RAB3GAP1: variants seen among roughly 807,000 people sequenced by gnomAD.
RAB3GAP1 encodes the protein RAB3 GTPase activating protein catalytic subunit 1.
RAB3GAP1 carries 86 observed loss-of-function variants against 130.7 expected under a neutral mutation model. The observed-to-expected ratio is 0.66, with a 90% confidence interval of 0.55 to 0.79. RAB3GAP1 has a LOEUF of 0.79. Among genes scored for constraint, RAB3GAP1 ranks in the 30% least tolerant of loss-of-function variants. RAB3GAP1 has a pLI of 0.00. For missense variants in RAB3GAP1, 1,029 were observed against 1,169.4 expected, an observed-to-expected ratio of 0.88 and a Z score of 1.75; for synonymous variants, 367 against 401.7, an observed-to-expected ratio of 0.91 and a Z score of 1.03.
intron 3 of RAB3GAP1, among the ~76,000 whole-genome samples, chr2:135,090,656 T>G (rs1276816965): frequency 4.6e-5 from 7 of 152,196 alleles, no homozygotes; most frequent in African/African-American, 1.7e-4. Flanking sequence ...GCAGACTGCT[T>G]CTTTATGAAG....
At position 135,133,841 on chromosome 2, in the gene RAB3GAP1, TTC is replaced by T. The variant is rs777684420; in HGVS notation, c.1327-18_1327-17del. The T allele has an allele frequency of 2.5e-6, 4 of 1,609,734 alleles. No homozygotes were observed. The South Asian group carries it at 4.4e-5, about 18-fold the overall frequency. ...TATTTTGGTAACAAGTTTGCTTTGT[TTC>T]TATTTTGTTAAATTTAGAATCTCTA... is the stretch of plus-strand genomic sequence containing the variant. On this transcript the variant is annotated intron_variant, in intron 14 of 23. Transcript: ENST00000264158.
chr2:135,127,467 C>G (rs992022010), intron 11 of RAB3GAP1, among the ~76,000 whole-genome samples: 1 of 151,874 alleles, frequency 6.6e-6, no homozygotes, highest in African/African-American at 2.4e-5. Context: ...CTTCAGCCTC[C>G]GGAGTAGCTG....
At chr2:135,057,926 T>C in intron 2 of RAB3GAP1, 85 bp from the exon 3 acceptor site, 1 of 1,021,214 alleles carries the variant, frequency 9.8e-7, no homozygotes, top group South Asian at 1.4e-5. Flanking sequence ...TGTTAAAATA[T>C]AAAAAATACC....
chr2:135,129,451 CAA>C (rs1192375753), intron 11 of RAB3GAP1, among the ~76,000 whole-genome samples: 2 of 87,674 alleles, frequency 2.3e-5, no homozygotes, highest in Non-Finnish European at 2.4e-5. Flanking sequence ...GACTCTGTCT[CAA>C]AAAAAAAAAA....
At chr2:135,058,528 A>G (rs1184056414) in intron 3 of RAB3GAP1, 2 of 153,604 alleles carry the variant, frequency 1.3e-5, no homozygotes, top group South Asian at 2.0e-4. Context: ...GTTAACAACT[A>G]TTTCACTCAG....
intron 19 of RAB3GAP1, among the ~76,000 whole-genome samples, chr2:135,158,525 T>A (rs143908526): frequency 1.3e-5 from 2 of 152,138 alleles, no homozygotes. Flanking sequence ...ATATTGATAA[T>A]TAATGGATAA....
chr2:135,144,330 G>T (rs1219597160), intron 17 of RAB3GAP1, among the ~76,000 whole-genome samples: 1 of 150,616 alleles, frequency 6.6e-6, no homozygotes, highest in Non-Finnish European at 1.5e-5. Context: ...AAGTCGGGTG[G>T]TTTCTCTCTA....
chr2:135,081,812 T>G (rs1465590334), intron 3 of RAB3GAP1, among the ~76,000 whole-genome samples: 10 of 151,984 alleles, frequency 6.6e-5, no homozygotes, highest in African/African-American at 1.7e-4. Context: ...AGATACAAAA[T>G]ATTGTGATTA....
At position 135,057,647 on chromosome 2, in the gene RAB3GAP1, A is replaced by T. The variant is rs772400733; in HGVS notation, c.75-364A>T. On this transcript the variant is annotated intron_variant, in intron 2 of 23. Transcript: ENST00000264158. ...AGGGCTGGAATTACAGGCATGAGCC[A>T]CTGCACCCAGCCCATAATTATCTTT... 2.0e-5 allele frequency among the ~76,000 whole-genome samples: 3 copies of T among 152,224 alleles called. No homozygotes were observed. The South Asian group carries it at 6.2e-4, about 31-fold the overall frequency.
In RAB3GAP1 at chr2:135,130,763, A is replaced by G. The variant is rs776849492; in HGVS notation, c.1236+42A>G. On this transcript the variant is annotated intron_variant, in intron 13 of 23. Coordinates refer to ENST00000264158, the MANE Select transcript of RAB3GAP1 (RefSeq NM_012233.3). ...TCTTTATAGGTCTATATGCAGAATC[A>G]TTTATTCATTATATAGCCAGTTCCT... The G allele has an allele frequency of 3.9e-6, 6 of 1,550,382 alleles. No individual in the cohort carries two copies. In the African/African-American group the frequency reaches 5.4e-5, roughly 14 times the overall value.
intron 14 of RAB3GAP1, 87 bp downstream of exon 14, chr2:135,133,071 T>C: frequency 1.2e-6 from 1 of 835,844 alleles, no homozygotes; most frequent in Non-Finnish European, 2.0e-6. Flanking sequence ...AATAGCTTAC[T>C]ATATTTTTAT....
intron 3 of RAB3GAP1, among the ~76,000 whole-genome samples, chr2:135,072,981 C>T (rs1219081005): frequency 6.6e-6 from 1 of 152,118 alleles, no homozygotes; most frequent in Non-Finnish European, 1.5e-5. Context: ...TTTTTAAGCC[C>T]AGGGGTAGGA....
chr2:135,071,728 T>G (rs1689477064), intron 3 of RAB3GAP1, among the ~76,000 whole-genome samples: 1 of 152,078 alleles, frequency 6.6e-6, no homozygotes. Flanking sequence ...GGTCTCCACA[T>G]TCCCCCCACA....
chr2:135,173,510 T>C (rs948022762), downstream of RAB3GAP1, among the ~76,000 whole-genome samples: 2 of 152,084 alleles, frequency 1.3e-5, no homozygotes, highest in Admixed American at 1.3e-4. Context: ...GAGGCGACTG[T>C]TGTGTCTGTC....
intron 2 of RAB3GAP1, among the ~76,000 whole-genome samples, chr2:135,057,776 G>A (rs1325200747): frequency 3.3e-5 from 5 of 152,154 alleles, no homozygotes; most frequent in Admixed American, 3.3e-4. Context: ...ATAGAAGGCA[G>A]AATGCTTTTG....
At chr2:135,058,145 A>G in intron 3 of RAB3GAP1, 59 bp downstream of exon 3, 2 of 1,405,690 alleles carry the variant, frequency 1.4e-6, no homozygotes, top group Admixed American at 3.4e-5. Context: ...TCTATTTTCC[A>G]GCCCTTTGCT....
In RAB3GAP1 at chr2:135,124,201, T is replaced by G. The variant is rs760660719; in HGVS notation, c.785T>G (p.Leu262Trp). Residue 262 changes from leucine to tryptophan, a missense_variant, in exon 9 of 24, where the codon TTG (leucine) becomes TGG (tryptophan). This residue lies in a region of RAB3GAP1 where 510 missense variants were observed against 532.1 expected (regional missense o/e 0.96). Coordinates refer to ENST00000264158, the MANE Select transcript of RAB3GAP1 (RefSeq NM_012233.3). Reference protein sequence around the residue: ...DALVGGEVGGLEFGKLPFGAC... With the variant: ...DALVGGEVGGWEFGKLPFGAC... ...CTTGTAGGAGGAGAAGTTGGAGGCT[T>G]GGAGTTTGGCAAGTTACCATTTGGT... The G allele has an allele frequency of 6.2e-6, 10 of 1,614,084 alleles. No individual in the cohort carries two copies. Among genetic ancestry groups the G allele is most frequent in the Non-Finnish European group, 8.5e-6 (10 of 1,180,016 alleles).
chr2:135,119,627 T>G (rs1691136962), intron 7 of RAB3GAP1, among the ~76,000 whole-genome samples: 1 of 152,182 alleles, frequency 6.6e-6, no homozygotes, highest in African/African-American at 2.4e-5. Context: ...TGAATTAGGT[T>G]TTTTGGGAGC....
chr2:135,135,920 T>C lies in RAB3GAP1; in HGVS notation c.1911T>C (p.Ile637=). The change falls in exon 17 of 24, where the codon ATT becomes ATC. Residue 637 remains isoleucine (I), a synonymous_variant. Transcript: ENST00000264158. ...TGCATAATGGAGAACCTCTCTACAT[T>C]CCAGTAACCCAGGTAGGATGCACTA... ...TLLHNGEPLY[I]PVTQEPAPMT... is the part of the protein sequence containing the mutation. The C allele has an allele frequency of 6.2e-7, 1 of 1,614,018 alleles. No homozygotes were observed. The highest frequency in any genetic ancestry group is 8.5e-7 in the Non-Finnish European group (1 of 1,179,836).
Sources: gnomAD v4.1 joint callset for allele counts (sites outside exome capture counted in the v4.1 genomes callset) on GRCh38, gnomAD v4.1.1 for gene constraint, gnomAD v4.1.1 regional missense constraint, MANE v1.5 for transcripts, NCBI Gene and HGNC (gene_info 2026-07-23, HGNC 2026-07-21) for gene names.